SORCS2: variants seen among roughly 807,000 people sequenced by gnomAD.
The protein encoded by SORCS2 is VPS10 domain-containing receptor SorCS2.
Under a neutral mutation model 141.6 loss-of-function variants are expected in SORCS2, and 100 were observed. The observed-to-expected ratio is 0.71, with a 90% CI of 0.60 to 0.83. The LOEUF (loss-of-function observed/expected upper bound fraction) is 0.83, where lower values mean the gene tolerates loss of function less well. Among genes scored for constraint, SORCS2 ranks in the 40% least tolerant of loss-of-function variants. SORCS2 has a pLI of 0.00. For synonymous variants in SORCS2, 789 were observed against 676.9 expected, an observed-to-expected ratio of 1.17 and a Z score of -2.57; for missense variants, 1,646 against 1,560.2, an observed-to-expected ratio of 1.05 and a Z score of -0.93.
intron 1 of SORCS2, among the ~76,000 whole-genome samples, chr4:7,373,364 C>T (rs889770392): frequency 6.7e-6 from 1 of 149,146 alleles, no homozygotes; most frequent in African/African-American, 2.5e-5. Context: ...TTATTTGCCA[C>T]CCATCTGTTT....
rs73078584 is a variant in SORCS2 at position 7,712,576 on chromosome 4, C to T, written c.1869-157C>T. ...CGTGTGCAGGGCCAGGCTCGGTGAC[C>T]GGGGCAGCCTCGCTCTGATCTCCAG... On this transcript the variant is annotated intron_variant, in intron 14 of 26. Coordinates refer to ENST00000507866, the MANE Select transcript of SORCS2 (RefSeq NM_020777.3). Among the ~76,000 whole-genome samples, 724 of 152,300 alleles carry T rather than the reference C, an allele frequency of 4.8e-3. 7 individuals carry two copies. Among genetic ancestry groups the T allele is most frequent in the African/African-American group, 0.016 (660 of 41,562 alleles).
intron 1 of SORCS2, among the ~76,000 whole-genome samples, chr4:7,322,700 C>G (rs1577397452): frequency 6.6e-6 from 1 of 152,162 alleles, no homozygotes; most frequent in African/African-American, 2.4e-5. Flanking sequence ...TGCACACACT[C>G]CGTGGACTAC....
intron 1 of SORCS2, among the ~76,000 whole-genome samples, chr4:7,302,256 T>C (rs1309985597): frequency 6.6e-6 from 1 of 152,026 alleles, no homozygotes; most frequent in Non-Finnish European, 1.5e-5. Context: ...CAGACAGGAG[T>C]CAGACGCAGT....
chr4:7,503,031 CAG>C (rs1357725186), intron 2 of SORCS2, among the ~76,000 whole-genome samples: 5 of 152,218 alleles, frequency 3.3e-5, no homozygotes, highest in Non-Finnish European at 7.3e-5. Context: ...ACCAGCCGAG[CAG>C]AGAGGCCCTG....
intron 1 of SORCS2, among the ~76,000 whole-genome samples, chr4:7,278,399 TGA>T (rs10535434): frequency 0.09 from 13,623 of 152,038 alleles, 943 homozygotes; most frequent in Admixed American, 0.23. Context: ...CTCTGTTTTG[TGA>T]GAGGGGGTGG....
chr4:7,402,689 A>G (rs1724669338), intron 2 of SORCS2, among the ~76,000 whole-genome samples: 1 of 152,116 alleles, frequency 6.6e-6, no homozygotes, highest in African/African-American at 2.4e-5. Context: ...ACCTATTGCC[A>G]GCTTATCTGT....
At chr4:7,455,075 T>C (rs1214796785) in intron 2 of SORCS2, among the ~76,000 whole-genome samples, 1 of 62,062 alleles carries the variant, frequency 1.6e-5, no homozygotes, top group East Asian at 8.9e-4. Flanking sequence ...TGGGGTCAGC[T>C]GCTGTGTTGG....
chr4:7,519,984 C>T (rs544193003), intron 2 of SORCS2, among the ~76,000 whole-genome samples: 1 of 152,346 alleles, frequency 6.6e-6, no homozygotes, highest in African/African-American at 2.4e-5. Context: ...GGCTCCTGCT[C>T]TGCCAGTTCC....
chr4:7,395,882 G>A (rs550399693), intron 1 of SORCS2, among the ~76,000 whole-genome samples: 50 of 152,286 alleles, frequency 3.3e-4, no homozygotes, highest in African/African-American at 9.1e-4. Flanking sequence ...CCTCTAACGC[G>A]CTGGTGGAGA....
chr4:7,380,639 C>G (rs903204914), intron 1 of SORCS2, among the ~76,000 whole-genome samples: 1 of 152,260 alleles, frequency 6.6e-6, no homozygotes, highest in Non-Finnish European at 1.5e-5. Flanking sequence ...GCAGCCCCCT[C>G]GTTCCTCCTT....
intron 1 of SORCS2, among the ~76,000 whole-genome samples, chr4:7,216,240 G>T (rs1484096525): frequency 6.6e-6 from 1 of 152,140 alleles, no homozygotes; most frequent in Non-Finnish European, 1.5e-5. Flanking sequence ...ACCAATTCCG[G>T]ACACAAAAGC....
At chr4:7,453,282 C>T (rs1264308573) in intron 2 of SORCS2, among the ~76,000 whole-genome samples, 4 of 95,928 alleles carry the variant, frequency 4.2e-5, no homozygotes, top group African/African-American at 1.8e-4. Context: ...GTGTTGGGGT[C>T]AGGAGCTGTG....
intron 3 of SORCS2, among the ~76,000 whole-genome samples, chr4:7,617,243 A>G (rs2108820149): frequency 6.6e-6 from 1 of 152,084 alleles, no homozygotes; most frequent in African/African-American, 2.4e-5. Context: ...TCACCCATCC[A>G]TCCATCTATC....
intron 2 of SORCS2, among the ~76,000 whole-genome samples, chr4:7,485,200 T>C (rs762780962): frequency 1.7e-4 from 26 of 152,212 alleles, no homozygotes; most frequent in Admixed American, 3.3e-4. Flanking sequence ...CCTGCAGCCT[T>C]CGGTCCCCAG....
intron 3 of SORCS2, among the ~76,000 whole-genome samples, chr4:7,578,184 C>G (rs779204143): frequency 2.0e-5 from 3 of 152,224 alleles, no homozygotes; most frequent in Admixed American, 2.0e-4. Context: ...CATGTTTGGT[C>G]TCTTTGCGAA....
At chr4:7,389,080 G>A (rs951895871) in intron 1 of SORCS2, among the ~76,000 whole-genome samples, 1 of 152,326 alleles carries the variant, frequency 6.6e-6, no homozygotes, top group South Asian at 2.1e-4. Context: ...CTGCCCCCAC[G>A]GGCAGTGCGT....
chr4:7,668,511 A>T (rs543359263), intron 8 of SORCS2, among the ~76,000 whole-genome samples: 4 of 152,252 alleles, frequency 2.6e-5, no homozygotes, highest in African/African-American at 9.6e-5. Context: ...GGCCCTCCAA[A>T]CCCAGGCTGT....
chr4:7,379,040 A>T (rs997127015), intron 1 of SORCS2, among the ~76,000 whole-genome samples: 17 of 152,208 alleles, frequency 1.1e-4, no homozygotes, highest in African/African-American at 4.1e-4. Context: ...CGTGTGATTT[A>T]CACGCTGATC....
chr4:7,599,741 C>CGTGAG (rs1421602431), intron 3 of SORCS2, among the ~76,000 whole-genome samples: 1 of 151,854 alleles, frequency 6.6e-6, no homozygotes, highest in Non-Finnish European at 1.5e-5. Context: ...AATTGCAGGG[C>CGTGAG]AGGTGTGGGC....
Sources: gnomAD v4.1 joint callset for allele counts (sites outside exome capture counted in the v4.1 genomes callset) on GRCh38, gnomAD v4.1.1 for gene constraint, MANE v1.5 for transcripts, NCBI Gene and HGNC (gene_info 2026-07-23, HGNC 2026-07-21) for gene names.